TFRC: variants seen among roughly 807,000 people sequenced by gnomAD.
The protein encoded by TFRC is transferrin receptor protein 1.
TFRC carries 35 observed loss-of-function variants against 85.8 expected under a neutral mutation model. The observed-to-expected ratio is 0.41, with a 90% CI of 0.31 to 0.54. TFRC has a LOEUF of 0.54. Among genes scored for constraint, TFRC ranks in the 20% least tolerant of loss-of-function variants. The pLI, the probability that TFRC is intolerant of heterozygous loss-of-function variation, is 0.31. For missense variants in TFRC, 828 were observed against 921.5 expected (o/e 0.90, Z 1.31); for synonymous variants, 362 against 328.6 (o/e 1.10, Z -1.10).
intron 9 of TFRC, 42 bp from the exon 10 acceptor site, chr3:196,065,642 T>A: frequency 6.4e-7 from 1 of 1,559,112 alleles, no homozygotes; most frequent in Non-Finnish European, 8.6e-7. Flanking sequence ...TTATTGTTCC[T>A]TGCCCAGGGT....
In TFRC at chr3:196,061,447, A is replaced by T. The variant is rs115295329; in HGVS notation, c.1468+1135T>A. On this transcript the variant is annotated intron_variant, in intron 13 of 18. Transcript: ENST00000360110. Reference sequence around the variant, plus strand: ...AGGATACTTTGTCCTTAAGAAAATAATAGGTTTTTATTCCCCAAGGGTTGC... The same window carrying T: ...AGGATACTTTGTCCTTAAGAAAATATTAGGTTTTTATTCCCCAAGGGTTGC... Among the ~76,000 whole-genome samples, 891 of 152,136 alleles carry T rather than the reference A, an allele frequency of 5.9e-3. 6 individuals are homozygous for T. Among genetic ancestry groups the T allele is most frequent in the African/African-American group, 0.02 (843 of 41,512 alleles).
rs1717397950 is a variant in TFRC at position 196,062,840 on chromosome 3, A to T, written c.1404+14T>A. 3.7e-6 allele frequency: 6 copies of T among 1,612,944 alleles called. No individual in the cohort carries two copies. Among genetic ancestry groups the T allele is most frequent in the Admixed American group, 1.7e-5 (1 of 60,002 alleles). On this transcript the variant is annotated intron_variant, in intron 12 of 18. Transcript: ENST00000360110. The stretch of plus-strand genomic sequence containing the variant: ...AAGCTCGTGTCCAATATGGGAAGGG[A>T]TGATAAAGAATACCTCTAGCCATTC...
At chr3:196,079,042 A>C (rs553804457) in intron 1 of TFRC, among the ~76,000 whole-genome samples, 9 of 152,094 alleles carry the variant, frequency 5.9e-5, no homozygotes, top group Non-Finnish European at 1.2e-4. Context: ...CAAAGTGCTA[A>C]GATTAGTTAC....
chr3:196,075,199 G>A lies in TFRC; in HGVS notation c.198C>T (p.Ile66=), dbSNP rs761390479. ...VTKPKRCSGS[I]CYGTIAVIVF... is the part of the protein sequence containing the mutation. ...CGATCACAGCAATAGTCCCATAGCA[G>A]ATACTTCCACTACACCTTTTTGGTT... The change falls in exon 3 of 19, where the codon ATC becomes ATT. Residue 66 remains isoleucine, a synonymous_variant. Coordinates refer to ENST00000360110, the MANE Select transcript of TFRC (RefSeq NM_001128148.3). 4.3e-6 allele frequency: 7 copies of A among 1,614,150 alleles called. No individual in the cohort carries two copies. The highest frequency in any genetic ancestry group is 1.6e-4 in the Middle Eastern group (1 of 6,062).
chr3:196,078,198 G>A (rs1376101225), intron 1 of TFRC, among the ~76,000 whole-genome samples: 1 of 152,020 alleles, frequency 6.6e-6, no homozygotes, highest in Non-Finnish European at 1.5e-5. Context: ...CTAGATACTT[G>A]AAAATGACAT....
intron 1 of TFRC, among the ~76,000 whole-genome samples, chr3:196,079,773 T>A (rs1033092467): frequency 6.6e-6 from 1 of 152,208 alleles, no homozygotes; most frequent in Admixed American, 6.5e-5. Flanking sequence ...ACACATTCAC[T>A]GCCTAACAAC....
Position 196,075,140 on chromosome 3 carries a change from T to C in TFRC, c.238+19A>G, listed in dbSNP as rs372235896. The stretch of plus-strand genomic sequence containing the variant: ...AGTTGGTTATAGAAAACATTGAAGT[T>C]TGGAATGGTCATTCTCACCAATCAA... On this transcript the variant is annotated intron_variant, in intron 3 of 18. Transcript: ENST00000360110. 1.6e-5 allele frequency: 26 copies of C among 1,612,282 alleles called. No individual in the cohort carries two copies. The African/African-American group carries it at 3.5e-4, about 22-fold the overall frequency.
At chr3:196,052,942 G>A (rs41298083) in intron 18 of TFRC, among the ~76,000 whole-genome samples, 3 of 151,868 alleles carry the variant, frequency 2.0e-5, no homozygotes, top group East Asian at 2.0e-4. Context: ...GTGAAACTCC[G>A]TTTCTACTAA....
chr3:196,051,483 T>G lies in TFRC; in HGVS notation c.*459A>C, dbSNP rs957296270. On this transcript the variant is annotated 3_prime_UTR_variant, in exon 19 of 19. Coordinates refer to ENST00000360110, the MANE Select transcript of TFRC (RefSeq NM_001128148.3). Reference sequence around the variant, plus strand: ...ATGAGGAAACCAGCTACATTCCTTATGGAAAGGCTTAGATCTCATTTGGAG... The same window carrying G: ...ATGAGGAAACCAGCTACATTCCTTAGGGAAAGGCTTAGATCTCATTTGGAG... 10 of 221,664 alleles carry G rather than the reference T, an allele frequency of 4.5e-5. No individual in the cohort carries two copies. Among genetic ancestry groups the G allele is most frequent in the African/African-American group, 2.0e-4 (9 of 44,732 alleles). The allele number at this position is 221,664 out of a possible 1,614,324, so 13.7% of individuals were successfully genotyped here.
At chr3:196,078,211 T>C (rs924200246) in intron 1 of TFRC, among the ~76,000 whole-genome samples, 4 of 152,114 alleles carry the variant, frequency 2.6e-5, no homozygotes, top group African/African-American at 9.7e-5. Context: ...AATGACATTA[T>C]CCTGAGATTT....
intron 17 of TFRC, among the ~76,000 whole-genome samples, chr3:196,054,600 A>G (rs1340320083): frequency 6.6e-6 from 1 of 152,194 alleles, no homozygotes; most frequent in Non-Finnish European, 1.5e-5. Flanking sequence ...GGACTCCAGC[A>G]ATCCTCCTGC....
intron 18 of TFRC, 98 bp from the exon 19 acceptor site, chr3:196,052,282 G>A: frequency 1.0e-6 from 1 of 997,514 alleles, no homozygotes; most frequent in South Asian, 1.7e-5. Flanking sequence ...ATTTAAGAAT[G>A]CCGATCAGAC....
chr3:196,078,331 T>C (rs1264674804), intron 1 of TFRC, among the ~76,000 whole-genome samples: 2 of 152,118 alleles, frequency 1.3e-5, no homozygotes, highest in Non-Finnish European at 2.9e-5. Flanking sequence ...TATACGCAAA[T>C]TGTAAAGCAA....
At chr3:196,058,037 C>A in intron 16 of TFRC, 1 of 302,530 alleles carries the variant, frequency 3.3e-6, no homozygotes, top group South Asian at 8.2e-5. Context: ...ATCTGCCTAG[C>A]AACTGCCTGT....
chr3:196,068,334 CAG>C (rs1351771603), intron 7 of TFRC, among the ~76,000 whole-genome samples: 1 of 152,136 alleles, frequency 6.6e-6, no homozygotes, highest in East Asian at 1.9e-4. Flanking sequence ...AGTAACGGGC[CAG>C]GAGTGGTGGC....
At chr3:196,058,767 G>A (rs1717034779) in intron 14 of TFRC, 135 bp from the exon 15 acceptor site, 1 of 521,332 alleles carries the variant, frequency 1.9e-6, no homozygotes, top group Admixed American at 3.6e-5. Flanking sequence ...AATTATTTAT[G>A]ATAGTTAAAA....
chr3:196,054,452 T>C (rs1373549514), intron 17 of TFRC, among the ~76,000 whole-genome samples: 1 of 151,998 alleles, frequency 6.6e-6, no homozygotes, highest in Non-Finnish European at 1.5e-5. Context: ...TATAAAAAGA[T>C]TCGGTTGTCA....
At chr3:196,054,221 T>C (rs1396316972) in intron 17 of TFRC, among the ~76,000 whole-genome samples, 2 of 151,842 alleles carry the variant, frequency 1.3e-5, no homozygotes, top group African/African-American at 2.4e-5. Flanking sequence ...CTGGCCAACA[T>C]GGTAAAACCC....
chr3:196,080,929 G>A (rs946245301), intron 1 of TFRC, among the ~76,000 whole-genome samples: 1 of 152,142 alleles, frequency 6.6e-6, no homozygotes, highest in African/African-American at 2.4e-5. Context: ...GCATGGGGTA[G>A]CCAAATACAA....
Sources: allele counts gnomAD v4.1 joint callset (sites outside exome capture counted in the v4.1 genomes callset), GRCh38; gene constraint gnomAD v4.1.1; transcripts MANE v1.5; gene names NCBI Gene and HGNC (gene_info 2026-07-23, HGNC 2026-07-21).